PIEZO2: variants seen among roughly 807,000 people sequenced by gnomAD.
PIEZO2 encodes piezo type mechanosensitive ion channel component 2.
Under a neutral mutation model 337.3 loss-of-function variants are expected in PIEZO2, and 172 were observed. The ratio of observed to expected loss-of-function variants is 0.51; its 90% confidence interval spans 0.45 to 0.58. The LOEUF is 0.58. Among genes scored for constraint, PIEZO2 ranks in the 20% least tolerant of loss-of-function variants. PIEZO2 has a pLI of 0.00. For missense variants in PIEZO2, 3,028 were observed against 3,391.3 expected, an observed-to-expected ratio of 0.89 and a Z score of 2.66; for synonymous variants, 1,251 against 1,228.5, an observed-to-expected ratio of 1.02 and a Z score of -0.38.
intron 3 of PIEZO2, among the ~76,000 whole-genome samples, chr18:10,922,011 A>G (rs9956199): frequency 0.011 from 1,643 of 152,100 alleles, 42 homozygotes; most frequent in African/African-American, 0.038. Context: ...AATGGTGCCC[A>G]AAACTTCATT....
At position 10,795,351 on chromosome 18, in the gene PIEZO2, A is replaced by ATTATTTTATT. The variant is rs10694670; in HGVS notation, c.1528-359_1528-350dup. On this transcript the variant is annotated intron_variant, in intron 12 of 55. Transcript: ENST00000674853. The surrounding 1 kb of genome is among the most constrained non-coding windows in gnomAD (Gnocchi z 4.4). Reference sequence around the variant, plus strand: ...ATTTTATTTTATTTTATTTTATTTTATTATTTTATTTTATTTTATTTTATT... The same window carrying ATTATTTTATT: ...ATTTTATTTTATTTTATTTTATTTTATTATTTTATTTTATTTTATTTTATTTTATTTTATT... Among the ~76,000 whole-genome samples the ATTATTTTATT allele has an allele frequency of 0.014, 291 of 20,476 alleles. 4 individuals carry two copies. Among genetic ancestry groups the ATTATTTTATT allele is most frequent in the East Asian group, 0.089 (11 of 124 alleles). 13.4% of individuals were successfully genotyped at this position (20,476 alleles called of 152,430 possible).
intron 2 of PIEZO2, among the ~76,000 whole-genome samples, chr18:11,014,105 G>A (rs1242558922): frequency 6.6e-6 from 1 of 152,242 alleles, no homozygotes; most frequent in Non-Finnish European, 1.5e-5. Flanking sequence ...TTACAGCTCT[G>A]AGGCACCTCC....
At chr18:11,071,004 C>G (rs1452558374) in intron 1 of PIEZO2, among the ~76,000 whole-genome samples, 1 of 152,114 alleles carries the variant, frequency 6.6e-6, no homozygotes, top group African/African-American at 2.4e-5. Flanking sequence ...GTGCCTGCTT[C>G]CATGGCTGAT....
chr18:10,910,449 G>A (rs1301120117), intron 4 of PIEZO2, among the ~76,000 whole-genome samples: 1 of 152,152 alleles, frequency 6.6e-6, no homozygotes, highest in African/African-American at 2.4e-5. Context: ...TGGGTGTGGT[G>A]GTGGGCGCCT....
At chr18:10,873,450 C>T (rs1022008495) in intron 4 of PIEZO2, among the ~76,000 whole-genome samples, 3 of 152,128 alleles carry the variant, frequency 2.0e-5, no homozygotes, top group South Asian at 2.1e-4. Flanking sequence ...ATCCACATGG[C>T]CTTCCTTTCC....
rs1392620560 is a variant in PIEZO2, at chr18:11,131,811, A to G, written c.64+16714T>C. On this transcript the variant is annotated intron_variant, in intron 1 of 55. Transcript: ENST00000674853. The surrounding 1 kb of genome is among the most constrained non-coding windows in gnomAD (Gnocchi z 5.3). ...CCATGTGAGTGCTCACCAATGGGTGACCTCAGTGGAGGAGGAGTTTAATAA... is the reference window on the plus strand; with the variant it reads ...CCATGTGAGTGCTCACCAATGGGTGGCCTCAGTGGAGGAGGAGTTTAATAA... 6.6e-6 allele frequency among the ~76,000 whole-genome samples: 1 copy of G among 152,148 alleles called. No homozygotes were observed. The highest frequency in any genetic ancestry group is 1.9e-4 in the East Asian group (1 of 5,174).
rs1395785720 is a variant in PIEZO2 at position 10,672,011 on chromosome 18, T to A, written c.8346-232A>T. 6.6e-6 allele frequency among the ~76,000 whole-genome samples: 1 copy of A among 152,174 alleles called. No homozygotes were observed. Among genetic ancestry groups the A allele is most frequent in the African/African-American group, 2.4e-5 (1 of 41,444 alleles). ...AACTGTTAGACTTGAAAAATGAAAGTCCTTTACAATCTCACATTCTGTAAA... is the reference window on the plus strand; with the variant it reads ...AACTGTTAGACTTGAAAAATGAAAGACCTTTACAATCTCACATTCTGTAAA... On this transcript the variant is annotated intron_variant, in intron 55 of 55. Coordinates refer to ENST00000674853, the MANE Select transcript of PIEZO2 (RefSeq NM_001378183.1). The surrounding 1 kb of genome is among the most constrained non-coding windows in gnomAD (Gnocchi z 4.7).
At chr18:11,121,191 G>A (rs1361144766) in intron 1 of PIEZO2, among the ~76,000 whole-genome samples, 1 of 152,174 alleles carries the variant, frequency 6.6e-6, no homozygotes, top group Non-Finnish European at 1.5e-5. Context: ...GGTGGAGGTT[G>A]CAGTGAGCCA....
chr18:10,712,190 G>C (rs1009927896), intron 39 of PIEZO2, among the ~76,000 whole-genome samples: 3 of 152,144 alleles, frequency 2.0e-5, no homozygotes, highest in Non-Finnish European at 4.4e-5. Context: ...TCAGCATCTC[G>C]AGTGCTCACC....
chr18:10,866,917 A>G (rs908634744), intron 5 of PIEZO2, among the ~76,000 whole-genome samples: 4 of 152,228 alleles, frequency 2.6e-5, no homozygotes, highest in Non-Finnish European at 5.9e-5. Context: ...AAGGCAGACC[A>G]AGTGTCCGAC....
chr18:11,008,204 G>A (rs991882756), intron 2 of PIEZO2, among the ~76,000 whole-genome samples: 1 of 152,030 alleles, frequency 6.6e-6, no homozygotes, highest in African/African-American at 2.4e-5. Flanking sequence ...TTGCTAAATT[G>A]TCTAGATACT....
chr18:11,106,541 G>A (rs1446018599), intron 1 of PIEZO2, among the ~76,000 whole-genome samples: 1 of 150,722 alleles, frequency 6.6e-6, no homozygotes, highest in East Asian at 2.0e-4. Context: ...CCAAGAATCT[G>A]GGACCACAAC....
rs975081183 is a variant in PIEZO2, at chr18:11,097,548, T to G, written c.65-31326A>C. Among the ~76,000 whole-genome samples the G allele has an allele frequency of 6.6e-6, 1 of 152,238 alleles. No individual in the cohort carries two copies. Among genetic ancestry groups the G allele is most frequent in the Non-Finnish European group, 1.5e-5 (1 of 68,036 alleles). The stretch of plus-strand genomic sequence containing the variant: ...GGGCCTGGCCATAACTGCTTCACAG[T>G]TTGAAGACAGCAAAAGCTATTTAGA... On this transcript the variant is annotated intron_variant, in intron 1 of 55. Transcript: ENST00000674853. This position sits in a 1 kb window ranked among gnomAD's most constrained non-coding sequence, Gnocchi z 5.0.
intron 7 of PIEZO2, among the ~76,000 whole-genome samples, chr18:10,820,535 C>A (rs1393355493): frequency 1.3e-5 from 2 of 152,058 alleles, no homozygotes; most frequent in East Asian, 3.8e-4. Flanking sequence ...CATCAATTCT[C>A]TTTTATAAAT....
chr18:10,717,390 C>T (rs1213846512), intron 37 of PIEZO2, among the ~76,000 whole-genome samples: 1 of 152,102 alleles, frequency 6.6e-6, no homozygotes, highest in Non-Finnish European at 1.5e-5. Context: ...AGTCTCCTTT[C>T]GTGCCAGCAG....
intron 11 of PIEZO2, among the ~76,000 whole-genome samples, chr18:10,799,268 T>G (rs576162490): frequency 1.3e-5 from 2 of 152,202 alleles, no homozygotes; most frequent in Non-Finnish European, 2.9e-5. Context: ...CAAATAGAGA[T>G]GCAAATCCAC....
chr18:11,034,333 T>C (rs924442317), intron 2 of PIEZO2, among the ~76,000 whole-genome samples: 1 of 151,900 alleles, frequency 6.6e-6, no homozygotes, highest in African/African-American at 2.4e-5. Context: ...TCTAGCTCTG[T>C]CGCCCAGGCT....
At chr18:10,864,221 C>G (rs1315054133) in intron 5 of PIEZO2, among the ~76,000 whole-genome samples, 1 of 152,166 alleles carries the variant, frequency 6.6e-6, no homozygotes, top group African/African-American at 2.4e-5. Context: ...TCCTTCCTGT[C>G]TCCTCCATCT....
intron 49 of PIEZO2, among the ~76,000 whole-genome samples, chr18:10,689,061 G>T (rs1182535695): frequency 6.6e-6 from 1 of 152,120 alleles, no homozygotes. Context: ...ATTTTGAGAC[G>T]AGAAAGAAAG....
Sources: gnomAD v4.1 joint callset for allele counts (sites outside exome capture counted in the v4.1 genomes callset) on GRCh38, gnomAD v4.1.1 for gene constraint, Gnocchi (gnomAD v3.1) non-coding constraint, MANE v1.5 for transcripts, NCBI Gene and HGNC (gene_info 2026-07-23, HGNC 2026-07-21) for gene names.